Variants in PCDH15 observed in about 807,000 individuals in gnomAD.
PCDH15 encodes protocadherin related 15, also known as protocadherin-15.
A neutral mutation model predicts 178.5 loss-of-function variants in PCDH15; 129 were observed. The observed-to-expected ratio is 0.72, with a 90% CI of 0.63 to 0.84. PCDH15 has a LOEUF of 0.84. Ranked by LOEUF, PCDH15 falls within the 40% of genes least tolerant of loss-of-function variation. PCDH15 has a pLI of 0.00. For synonymous variants in PCDH15, 800 were observed against 732.0 expected, an observed-to-expected ratio of 1.09 and a Z score of -1.50; for missense variants, 2,230 against 2,099.9, an observed-to-expected ratio of 1.06 and a Z score of -1.21.
intron 2 of PCDH15, among the ~76,000 whole-genome samples, chr10:55,421,823 T>C (rs1262444734): frequency 5.3e-5 from 8 of 150,038 alleles, no homozygotes; most frequent in Admixed American, 5.3e-4. Flanking sequence ...ATTTTATTGT[T>C]TTTATTATCA....
chr10:55,273,544 A>C (rs1348285082), intron 1 of PCDH15, among the ~76,000 whole-genome samples: 2 of 152,010 alleles, frequency 1.3e-5, no homozygotes, highest in African/African-American at 4.8e-5. Flanking sequence ...TTGGTGGGCA[A>C]GGGGGTGTGT....
upstream of PCDH15, among the ~76,000 whole-genome samples, chr10:55,321,220 C>G (rs1185580846): frequency 6.6e-6 from 1 of 152,074 alleles, no homozygotes; most frequent in African/African-American, 2.4e-5. Flanking sequence ...CAAGTATTAA[C>G]TACATAATGA....
chr10:54,350,505 T>A (rs552717667), intron 5 of PCDH15, among the ~76,000 whole-genome samples: 1 of 152,210 alleles, frequency 6.6e-6, no homozygotes, highest in Non-Finnish European at 1.5e-5. Context: ...GTTCAAATGG[T>A]AGACCTGTTC....
At chr10:53,915,837 G>A (rs1169084171) in intron 25 of PCDH15, among the ~76,000 whole-genome samples, 1 of 152,122 alleles carries the variant, frequency 6.6e-6, no homozygotes, top group Non-Finnish European at 1.5e-5. Flanking sequence ...GATTACAGGT[G>A]TGAGCCACTG....
At chr10:54,063,154 G>A (rs767530155) in intron 18 of PCDH15, among the ~76,000 whole-genome samples, 1 of 152,172 alleles carries the variant, frequency 6.6e-6, no homozygotes, top group South Asian at 2.1e-4. Flanking sequence ...TATATCAGGA[G>A]TAATTTTTAT....
intron 1 of PCDH15, among the ~76,000 whole-genome samples, chr10:54,737,631 A>AC (rs1229120004): frequency 3.9e-5 from 6 of 152,192 alleles, no homozygotes; most frequent in African/African-American, 1.4e-4. Context: ...TCTGGGCCTC[A>AC]CTTTTTTTCA....
At chr10:54,427,309 G>A (rs1254667316) in intron 3 of PCDH15, among the ~76,000 whole-genome samples, 12 of 96,214 alleles carry the variant, frequency 1.2e-4, no homozygotes, top group African/African-American at 2.7e-4. Flanking sequence ...ACTGGGTTTC[G>A]CTCTTGTTGC....
chr10:54,739,677 T>C (rs1944545583), intron 1 of PCDH15, among the ~76,000 whole-genome samples: 1 of 151,162 alleles, frequency 6.6e-6, no homozygotes, highest in African/African-American at 2.4e-5. Context: ...GATGCCGTCA[T>C]AGAAATATAC....
At chr10:54,599,659 A>G in intron 2 of PCDH15, 1 of 383,154 alleles carries the variant, frequency 2.6e-6, no homozygotes, top group Non-Finnish European at 4.9e-6. Flanking sequence ...TGACAAACTA[A>G]TTGAAAAACT....
At chr10:54,713,342 T>C (rs1397059442) in intron 1 of PCDH15, among the ~76,000 whole-genome samples, 1 of 152,038 alleles carries the variant, frequency 6.6e-6, no homozygotes, top group African/African-American at 2.4e-5. Flanking sequence ...CATGAGTCAT[T>C]GTACAACTTA....
chr10:54,741,985 G>A (rs377383019), intron 1 of PCDH15, among the ~76,000 whole-genome samples: 16 of 151,992 alleles, frequency 1.1e-4, no homozygotes, highest in East Asian at 9.6e-4. Flanking sequence ...CCTTTGAGTG[G>A]CTAATGTTCT....
chr10:55,349,953 A>G (rs2131965180), intron 2 of PCDH15, among the ~76,000 whole-genome samples: 1 of 151,956 alleles, frequency 6.6e-6, no homozygotes, highest in Non-Finnish European at 1.5e-5. Context: ...CACTTGGTAT[A>G]ATAATCCATT....
At chr10:55,390,734 T>C (rs1238422406) in intron 2 of PCDH15, among the ~76,000 whole-genome samples, 2 of 152,184 alleles carry the variant, frequency 1.3e-5, no homozygotes, top group African/African-American at 4.8e-5. Flanking sequence ...TGAACACACA[T>C]AAAAACAACA....
At chr10:53,850,993 C>T (rs998149441) in intron 28 of PCDH15, among the ~76,000 whole-genome samples, 7 of 152,024 alleles carry the variant, frequency 4.6e-5, no homozygotes, top group Non-Finnish European at 1.0e-4. Context: ...AACTTGAAAT[C>T]GTCCAAGTGA....
At chr10:54,996,349 G>T (rs915107059) in intron 2 of PCDH15, among the ~76,000 whole-genome samples, 37 of 152,124 alleles carry the variant, frequency 2.4e-4, no homozygotes, top group African/African-American at 8.9e-4. Context: ...CTCAATTTGG[G>T]GAATGCTGAA....
intron 15 of PCDH15, among the ~76,000 whole-genome samples, chr10:54,114,605 T>C (rs2095081663): frequency 6.6e-6 from 1 of 152,164 alleles, no homozygotes; most frequent in Non-Finnish European, 1.5e-5. Flanking sequence ...CACAAGTGCA[T>C]ATAGGATTAC....
intron 2 of PCDH15, among the ~76,000 whole-genome samples, chr10:55,543,953 T>C (rs1355565269): frequency 2.0e-5 from 3 of 151,082 alleles, no homozygotes; most frequent in African/African-American, 4.9e-5. Context: ...TCCCTTAAAA[T>C]ATTCATTTGT....
chr10:54,946,363 C>T (rs17597365), intron 2 of PCDH15, among the ~76,000 whole-genome samples: 37,089 of 151,618 alleles, frequency 0.24, 5,353 homozygotes, highest in Non-Finnish European at 0.33. Flanking sequence ...GGAGTCTCCT[C>T]ACGCCTTAAC....
At chr10:54,866,733 T>C (rs945411882) in intron 3 of PCDH15, among the ~76,000 whole-genome samples, 2 of 152,016 alleles carry the variant, frequency 1.3e-5, no homozygotes, top group African/African-American at 2.4e-5. Flanking sequence ...AGAAAAGTTA[T>C]GTTACATCCC....
Sources: gnomAD v4.1 joint callset for allele counts (sites outside exome capture counted in the v4.1 genomes callset) on GRCh38, gnomAD v4.1.1 for gene constraint, MANE v1.5 for transcripts, NCBI Gene and HGNC (gene_info 2026-07-23, HGNC 2026-07-21) for gene names.